The following CACNB4 variants were observed in gnomAD, a reference collection of about 807,000 sequenced individuals.
CACNB4 encodes the protein voltage-dependent L-type calcium channel subunit beta-4.
Under a neutral mutation model 71.2 loss-of-function variants are expected in CACNB4, and 32 were observed. The observed-to-expected ratio is 0.45, with a 90% CI of 0.34 to 0.60. The LOEUF is 0.60. Ranked by LOEUF, CACNB4 falls within the 20% of genes least tolerant of loss-of-function variation. The pLI, the probability that CACNB4 is intolerant of heterozygous loss-of-function variation, is 0.01. For missense variants in CACNB4, 464 were observed against 647.9 expected (o/e 0.72, Z 3.08); for synonymous variants, 231 against 236.9 (o/e 0.97, Z 0.23).
At chr2:151,974,815 CA>C (rs35540920) in intron 2 of CACNB4, among the ~76,000 whole-genome samples, 50 of 138,006 alleles carry the variant, frequency 3.6e-4, no homozygotes, top group East Asian at 2.6e-3. Context: ...TCTGGTCAAC[CA>C]AAAAAAAAAA....
intron 2 of CACNB4, among the ~76,000 whole-genome samples, chr2:152,007,344 A>C (rs1037034622): frequency 1.3e-5 from 2 of 152,218 alleles, no homozygotes; most frequent in Non-Finnish European, 2.9e-5. Flanking sequence ...TTCAAAAAGA[A>C]ACTCTGTACC....
chr2:151,844,878 T>C (rs924366164), intron 12 of CACNB4, among the ~76,000 whole-genome samples: 1 of 152,242 alleles, frequency 6.6e-6, no homozygotes, highest in Non-Finnish European at 1.5e-5. Flanking sequence ...ATGTGAACCA[T>C]AAAATTTGAT....
Position 151,837,058 on chromosome 2 carries a change from G to A in CACNB4, c.*2061C>T, listed in dbSNP as rs1489516133. ...ATAAATATATTTTTGTTTGCTGGAA[G>A]ATGCTCTTCTGTGTTCTAACAAAGT... On this transcript the variant is annotated 3_prime_UTR_variant, in exon 14 of 14. Transcript: ENST00000539935. 6.6e-6 allele frequency: 1 copy of A among 151,960 alleles called. No individual in the cohort carries two copies. Among genetic ancestry groups the A allele is most frequent in the Non-Finnish European group, 1.5e-5 (1 of 67,858 alleles). The allele number at this position is 151,960 out of a possible 1,614,324, so 9.4% of individuals were successfully genotyped here. A position where few individuals can be genotyped will look rare whatever the true frequency, so the allele number is the denominator to read the frequency against.
chr2:152,062,611 T>C (rs1433364621), intron 2 of CACNB4, among the ~76,000 whole-genome samples: 1 of 152,034 alleles, frequency 6.6e-6, no homozygotes, highest in Non-Finnish European at 1.5e-5. Context: ...CACCTCCCCA[T>C]CTCAATAGTG....
chr2:151,889,668 T>C (rs1450679901), intron 2 of CACNB4, among the ~76,000 whole-genome samples: 2 of 152,132 alleles, frequency 1.3e-5, no homozygotes, highest in African/African-American at 4.8e-5. Flanking sequence ...TGAGTGAATA[T>C]AACTCACTCA....
At chr2:152,044,413 T>C (rs758777570) in intron 2 of CACNB4, among the ~76,000 whole-genome samples, 1 of 151,960 alleles carries the variant, frequency 6.6e-6, no homozygotes, top group Non-Finnish European at 1.5e-5. Context: ...AGAGATGGGG[T>C]TTCACCATGT....
chr2:151,949,848 G>A (rs2151659264), intron 2 of CACNB4, among the ~76,000 whole-genome samples: 1 of 152,142 alleles, frequency 6.6e-6, no homozygotes. Context: ...AGGAGTTCGA[G>A]ACCAACATGG....
chr2:151,983,085 T>C (rs773967081), intron 2 of CACNB4, among the ~76,000 whole-genome samples: 2 of 152,344 alleles, frequency 1.3e-5, no homozygotes, highest in South Asian at 2.1e-4. Flanking sequence ...GCTATGCACA[T>C]GTTAGCCTGC....
chr2:151,872,647 T>G, intron 5 of CACNB4, 154 bp from the exon 6 acceptor site: 1 of 525,250 alleles, frequency 1.9e-6, no homozygotes, highest in South Asian at 2.5e-5. Context: ...TCCAAATGTT[T>G]TCTTTGACCT....
At chr2:152,059,045 G>T (rs1685872372) in intron 2 of CACNB4, among the ~76,000 whole-genome samples, 1 of 152,268 alleles carries the variant, frequency 6.6e-6, no homozygotes, top group Non-Finnish European at 1.5e-5. Context: ...CAGGAACTGA[G>T]GTTTGGAAAC....
chr2:151,957,257 CGTGTGTGTGTGTGTGTGT>C (rs1553791572), intron 2 of CACNB4, among the ~76,000 whole-genome samples: 52 of 131,870 alleles, frequency 3.9e-4, no homozygotes, highest in African/African-American at 1.4e-3. Context: ...AGTGGCTGGG[CGTGTGTGTGTGTGTGTGT>C]GTGTGTGTGT....
At chr2:151,899,607 C>G (rs2099852888) in intron 2 of CACNB4, among the ~76,000 whole-genome samples, 1 of 152,128 alleles carries the variant, frequency 6.6e-6, no homozygotes, top group Non-Finnish European at 1.5e-5. Context: ...TTATTAAGTT[C>G]TAAATGAAAG....
chr2:152,093,323 TTA>T (rs1688081170), intron 2 of CACNB4, among the ~76,000 whole-genome samples: 1 of 152,196 alleles, frequency 6.6e-6, no homozygotes, highest in African/African-American at 2.4e-5. Flanking sequence ...ATATTTTTCT[TTA>T]ATTTGTTATA....
chr2:151,992,329 T>G (rs1220723479), intron 2 of CACNB4, among the ~76,000 whole-genome samples: 1 of 152,218 alleles, frequency 6.6e-6, no homozygotes, highest in East Asian at 1.9e-4. Flanking sequence ...TACACCTACT[T>G]TTCAAAAAGC....
chr2:151,896,462 T>C (rs1259637166), intron 2 of CACNB4, among the ~76,000 whole-genome samples: 2 of 152,198 alleles, frequency 1.3e-5, no homozygotes, highest in East Asian at 3.8e-4. Flanking sequence ...AGAAGCTTAT[T>C]GTCACAAGAC....
intron 12 of CACNB4, among the ~76,000 whole-genome samples, chr2:151,843,478 C>T (rs1192456596): frequency 6.6e-6 from 1 of 152,184 alleles, no homozygotes; most frequent in East Asian, 1.9e-4. Flanking sequence ...CTGTGCCTGG[C>T]TAACTTTTTT....
At chr2:151,963,311 CA>C (rs71410446) in intron 2 of CACNB4, among the ~76,000 whole-genome samples, 3,880 of 60,404 alleles carry the variant, frequency 0.064, 41 homozygotes, top group Non-Finnish European at 0.088. Flanking sequence ...GACACCGTCT[CA>C]AAAAAAAAAA....
intron 2 of CACNB4, among the ~76,000 whole-genome samples, chr2:152,089,610 G>A (rs1456283131): frequency 1.3e-5 from 2 of 152,096 alleles, no homozygotes; most frequent in African/African-American, 4.8e-5. Context: ...ACTGTTCTAG[G>A]AAGCTCTCTC....
chr2:152,062,534 G>A (rs140449016), intron 2 of CACNB4, among the ~76,000 whole-genome samples: 1 of 152,288 alleles, frequency 6.6e-6, no homozygotes, highest in Non-Finnish European at 1.5e-5. Context: ...GCAAGCCAAG[G>A]GGGTACATAC....
Sources: allele counts gnomAD v4.1 joint callset (sites outside exome capture counted in the v4.1 genomes callset), GRCh38; gene constraint gnomAD v4.1.1; transcripts MANE v1.5; gene names NCBI Gene and HGNC (gene_info 2026-07-23, HGNC 2026-07-21).